TLE4: variants seen among roughly 807,000 people sequenced by gnomAD.
TLE4 encodes the protein transducin-like enhancer protein 4.
In TLE4, 8 loss-of-function variants were observed where a neutral mutation model predicts 92.8. The observed-to-expected ratio is 0.09, with a 90% CI of 0.05 to 0.16. The LOEUF (loss-of-function observed/expected upper bound fraction) is 0.16, where lower values mean the gene tolerates loss of function less well. Among genes scored for constraint, TLE4 ranks in the 10% least tolerant of loss-of-function variants. The pLI is 1.00. For synonymous variants in TLE4, 371 were observed against 374.1 expected (o/e 0.99, Z 0.10); for missense variants, 675 against 997.6 (o/e 0.68, Z 4.36).
At chr9:79,632,678 T>C (rs573252630) in intron 6 of TLE4, among the ~76,000 whole-genome samples, 1 of 152,350 alleles carries the variant, frequency 6.6e-6, no homozygotes, top group East Asian at 1.9e-4. Flanking sequence ...AACTTACAGG[T>C]GAGCTTCTCT....
chr9:79,647,836 A>G (rs1400730944), intron 6 of TLE4, among the ~76,000 whole-genome samples: 4 of 151,902 alleles, frequency 2.6e-5, no homozygotes, highest in African/African-American at 9.7e-5. Flanking sequence ...TATTGAGCTT[A>G]AGTGGTGTCA....
At chr9:79,663,143 G>A (rs974457947) in intron 8 of TLE4, among the ~76,000 whole-genome samples, 14 of 152,248 alleles carry the variant, frequency 9.2e-5, no homozygotes, top group African/African-American at 3.1e-4. Flanking sequence ...ATTGGGACTC[G>A]CACAGCTAGC....
intron 8 of TLE4, among the ~76,000 whole-genome samples, chr9:79,673,461 G>A (rs1175498514): frequency 2.0e-5 from 3 of 152,054 alleles, no homozygotes; most frequent in Admixed American, 2.0e-4. Flanking sequence ...TTACCTTTTG[G>A]AATTCATATA....
At chr9:79,678,403 C>T (rs1340766437) in intron 8 of TLE4, among the ~76,000 whole-genome samples, 6 of 151,762 alleles carry the variant, frequency 4.0e-5, no homozygotes, top group Admixed American at 1.3e-4. Flanking sequence ...TTTCCCTAAT[C>T]CTAACTTCAT....
intron 8 of TLE4, among the ~76,000 whole-genome samples, chr9:79,673,228 C>T (rs942005165): frequency 2.0e-5 from 3 of 152,208 alleles, no homozygotes; most frequent in African/African-American, 7.2e-5. Flanking sequence ...TTGTGTTTGG[C>T]GTAAGATCCT....
At chr9:79,678,550 A>C (rs994262677) in intron 8 of TLE4, among the ~76,000 whole-genome samples, 1 of 152,074 alleles carries the variant, frequency 6.6e-6, no homozygotes, top group Non-Finnish European at 1.5e-5. Flanking sequence ...TTCTCATCAA[A>C]ATCACCTGAA....
chr9:79,646,394 T>C (rs2134048117), intron 6 of TLE4, among the ~76,000 whole-genome samples: 2 of 152,306 alleles, frequency 1.3e-5, no homozygotes, highest in Admixed American at 1.3e-4. Flanking sequence ...TTGACTAATA[T>C]CCAGAGAAAC....
chr9:79,680,662 T>A (rs1248561784), intron 8 of TLE4, among the ~76,000 whole-genome samples: 1 of 152,214 alleles, frequency 6.6e-6, no homozygotes, highest in Non-Finnish European at 1.5e-5. Context: ...TCCAACACTA[T>A]GTTGACTAGG....
intron 4 of TLE4, among the ~76,000 whole-genome samples, chr9:79,597,013 C>G (rs555989955): frequency 6.6e-6 from 1 of 152,308 alleles, no homozygotes; most frequent in East Asian, 1.9e-4. Context: ...CTAACCAAAT[C>G]TTGACACGAG....
chr9:79,615,488 GA>G (rs2133161821), intron 5 of TLE4, among the ~76,000 whole-genome samples: 1 of 152,316 alleles, frequency 6.6e-6, no homozygotes, highest in South Asian at 2.1e-4. Context: ...GAGCGATTGT[GA>G]GCATCTGAAG....
intron 6 of TLE4, among the ~76,000 whole-genome samples, chr9:79,651,326 C>A (rs1398597569): frequency 2.0e-5 from 3 of 152,138 alleles, no homozygotes; most frequent in African/African-American, 7.2e-5. Flanking sequence ...AACTCCTCCT[C>A]TCCCCCACTT....
chr9:79,650,232 CTAATG>C lies in TLE4; in HGVS notation c.391-2356_391-2352del, dbSNP rs1473523476. Among the ~76,000 whole-genome samples, 5 of 151,820 alleles carry C rather than the reference CTAATG, an allele frequency of 3.3e-5. No homozygotes were observed. The South Asian group carries it at 8.3e-4, about 25-fold the overall frequency. ...CGCCAGGCTTGGGTTTTTTTTTGGT[CTAATG>C]TAATAGATACATTTTTAAAACTATC... On this transcript the variant is annotated intron_variant, in intron 6 of 19. Coordinates refer to ENST00000376552, the MANE Select transcript of TLE4 (RefSeq NM_007005.6).
At chr9:79,722,374 C>A in intron 17 of TLE4, 77 bp from the exon 18 acceptor site, 1 of 1,499,416 alleles carries the variant, frequency 6.7e-7, no homozygotes, top group Non-Finnish European at 9.1e-7. Context: ...GTAGTATCTA[C>A]AGAAGAGATA....
intron 8 of TLE4, among the ~76,000 whole-genome samples, chr9:79,691,413 G>T (rs2067057765): frequency 6.6e-6 from 1 of 152,118 alleles, no homozygotes; most frequent in Non-Finnish European, 1.5e-5. Flanking sequence ...AATCTTTTCT[G>T]TTCTTATGGG....
intron 4 of TLE4, among the ~76,000 whole-genome samples, chr9:79,611,063 TAACA>T (rs987307462): frequency 2.0e-5 from 3 of 152,018 alleles, no homozygotes; most frequent in Non-Finnish European, 4.4e-5. Flanking sequence ...GCAAAAAGCT[TAACA>T]ACCAAATGCA....
At chr9:79,578,929 T>C (rs1352924346) in intron 4 of TLE4, among the ~76,000 whole-genome samples, 1 of 141,768 alleles carries the variant, frequency 7.1e-6, no homozygotes, top group Non-Finnish European at 1.5e-5. Context: ...TTGATAGAGC[T>C]AAGCAGATGA....
At chr9:79,599,608 T>C (rs2045054183) in intron 4 of TLE4, among the ~76,000 whole-genome samples, 2 of 152,328 alleles carry the variant, frequency 1.3e-5, no homozygotes, top group Middle Eastern at 6.8e-3. Flanking sequence ...TTTCCAAAGA[T>C]GTACAACGAA....
At chr9:79,684,931 G>A (rs1456975690) in intron 8 of TLE4, among the ~76,000 whole-genome samples, 3 of 152,208 alleles carry the variant, frequency 2.0e-5, no homozygotes, top group Non-Finnish European at 4.4e-5. Flanking sequence ...TAACACAGTA[G>A]TTTTAGAGGT....
chr9:79,684,513 T>C (rs188159420), intron 8 of TLE4, among the ~76,000 whole-genome samples: 19 of 152,160 alleles, frequency 1.2e-4, no homozygotes, highest in Admixed American at 9.2e-4. Flanking sequence ...GGGATCTAGG[T>C]TGTACACTTC....
Sources: allele counts gnomAD v4.1 joint callset (sites outside exome capture counted in the v4.1 genomes callset), GRCh38; gene constraint gnomAD v4.1.1; transcripts MANE v1.5; gene names NCBI Gene and HGNC (gene_info 2026-07-23, HGNC 2026-07-21).